ENOPH1: variants seen among roughly 807,000 people sequenced by gnomAD.
The protein encoded by ENOPH1 is enolase-phosphatase 1, also known as enolase-phosphatase E1.
In ENOPH1, 14 loss-of-function variants were observed where a neutral mutation model predicts 31.1. The observed-to-expected ratio is 0.45, with a 90% CI of 0.30 to 0.70. The LOEUF is 0.70. ENOPH1 is among the 30% of genes least tolerant of loss of function. The pLI, the probability that ENOPH1 is intolerant of heterozygous loss-of-function variation, is 0.09. For synonymous variants in ENOPH1, 127 were observed against 123.2 expected (o/e 1.03, Z -0.21); for missense variants, 243 against 321.5 (o/e 0.76, Z 1.87).
chr4:82,454,975 TA>T (rs1263020555), intron 4 of ENOPH1, 121 bp downstream of exon 4: 2 of 908,768 alleles, frequency 2.2e-6, no homozygotes, highest in East Asian at 5.2e-5. Flanking sequence ...TAAAATTAGG[TA>T]AGAAGAAAAT....
At chr4:82,459,163 T>C (rs1010277115) in intron 5 of ENOPH1, among the ~76,000 whole-genome samples, 2 of 152,220 alleles carry the variant, frequency 1.3e-5, no homozygotes, top group African/African-American at 4.8e-5. Flanking sequence ...ATCACAGGCC[T>C]GTATCCCATT....
intron 1 of ENOPH1, among the ~76,000 whole-genome samples, chr4:82,445,264 G>A (rs185720714): frequency 8.5e-5 from 13 of 152,150 alleles, no homozygotes; most frequent in African/African-American, 3.1e-4. Context: ...ATGTATGATA[G>A]TACATGCCAG....
At chr4:82,454,928 T>C (rs1722444128) in intron 4 of ENOPH1, 74 bp downstream of exon 4, 4 of 1,434,012 alleles carry the variant, frequency 2.8e-6, no homozygotes, top group Non-Finnish European at 3.8e-6. Context: ...GGAAAACTAA[T>C]TGGAACTAAT....
intron 1 of ENOPH1, among the ~76,000 whole-genome samples, chr4:82,440,857 C>T (rs933888264): frequency 6.6e-6 from 1 of 152,120 alleles, no homozygotes; most frequent in African/African-American, 2.4e-5. Context: ...ATGTTCATTC[C>T]TAAGCTTTCA....
intron 5 of ENOPH1, among the ~76,000 whole-genome samples, chr4:82,459,481 T>G (rs1443099387): frequency 6.6e-6 from 1 of 152,074 alleles, no homozygotes; most frequent in African/African-American, 2.4e-5. Context: ...TTTGTAGAGA[T>G]AGAGTTTCAC....
chr4:82,443,847 C>G (rs1380483384), intron 1 of ENOPH1, among the ~76,000 whole-genome samples: 1 of 151,678 alleles, frequency 6.6e-6, no homozygotes, highest in African/African-American at 2.4e-5. Context: ...CCTTGGAGGG[C>G]TTTTGTTTTA....
At chr4:82,448,174 C>G (rs577376327) in intron 2 of ENOPH1, among the ~76,000 whole-genome samples, 153 bp downstream of exon 2, 1 of 151,970 alleles carries the variant, frequency 6.6e-6, no homozygotes, top group South Asian at 2.1e-4. Context: ...CTTAGGAATT[C>G]ACAGTACATA....
intron 1 of ENOPH1, among the ~76,000 whole-genome samples, chr4:82,438,917 A>C (rs1438097573): frequency 6.6e-6 from 1 of 152,214 alleles, no homozygotes; most frequent in Non-Finnish European, 1.5e-5. Context: ...TTTATATGAA[A>C]CTTTGAATTT....
intron 1 of ENOPH1, among the ~76,000 whole-genome samples, chr4:82,443,555 C>CAT (rs1560464749): frequency 6.6e-6 from 1 of 150,602 alleles, no homozygotes; most frequent in Non-Finnish European, 1.5e-5. Flanking sequence ...GGTGAAACCC[C>CAT]GTCTCTACTA....
rs547843048 is a variant in ENOPH1 at position 82,459,194 on chromosome 4, T to C, written c.647-787T>C. Among the ~76,000 whole-genome samples the C allele has an allele frequency of 5.2e-4, 79 of 152,328 alleles. No individual in the cohort carries two copies. In the South Asian group the frequency reaches 0.011, roughly 22 times the overall value. ...CCATTTCCCACTCTAACTTGCTCCA[T>C]TCTAGGCTGGGAGTATGACATGTTT... On this transcript the variant is annotated intron_variant, in intron 5 of 5. Transcript: ENST00000273920.
intron 4 of ENOPH1, among the ~76,000 whole-genome samples, chr4:82,455,306 C>T (rs1560468509): frequency 6.6e-6 from 1 of 152,204 alleles, no homozygotes; most frequent in African/African-American, 2.4e-5. Context: ...TCTGTGTCAT[C>T]ATCCCTGCAC....
chr4:82,457,715 G>A (rs1722527775), intron 5 of ENOPH1, among the ~76,000 whole-genome samples: 1 of 152,190 alleles, frequency 6.6e-6, no homozygotes, highest in Non-Finnish European at 1.5e-5. Flanking sequence ...AGTATAAGGG[G>A]TAGGTAGTTG....
chr4:82,448,271 T>G (rs183098043), intron 2 of ENOPH1, among the ~76,000 whole-genome samples: 3,149 of 105,850 alleles, frequency 0.03, 103 homozygotes, highest in African/African-American at 0.079. Context: ...GTTTTTTTTG[T>G]TTTTTTTTGA....
chr4:82,443,497 G>C (rs776588484), intron 1 of ENOPH1, among the ~76,000 whole-genome samples: 16 of 151,744 alleles, frequency 1.1e-4, no homozygotes, highest in South Asian at 2.1e-4. Context: ...GGGAGGCCGA[G>C]GCTGGCAGAT....
intron 1 of ENOPH1, among the ~76,000 whole-genome samples, chr4:82,436,532 A>G (rs937889043): frequency 6.6e-6 from 1 of 152,040 alleles, no homozygotes; most frequent in African/African-American, 2.4e-5. Flanking sequence ...CTAAAAATAA[A>G]AAAAGTTAGC....
In ENOPH1 at chr4:82,461,097, A is replaced by T. The variant is rs1168288906; in HGVS notation, c.*977A>T. 1 of 152,196 alleles carries T rather than the reference A, an allele frequency of 6.6e-6. No individual in the cohort carries two copies. The highest frequency in any genetic ancestry group is 1.5e-5 in the Non-Finnish European group (1 of 68,014). The allele number at this position is 152,196 out of a possible 1,614,324, so 9.4% of individuals were successfully genotyped here. A position where few individuals can be genotyped will look rare whatever the true frequency, so the allele number is the denominator to read the frequency against. ...AAGCATTTTTTCTTCACTCAGTTTT[A>T]TATAGGTTCCTGAACTCTATCCACA... On this transcript the variant is annotated 3_prime_UTR_variant, in exon 6 of 6. Coordinates refer to ENST00000273920, the MANE Select transcript of ENOPH1 (RefSeq NM_021204.5).
intron 1 of ENOPH1, among the ~76,000 whole-genome samples, chr4:82,443,061 C>T (rs1363123799): frequency 6.6e-6 from 1 of 152,158 alleles, no homozygotes; most frequent in Non-Finnish European, 1.5e-5. Flanking sequence ...TGGCCTTGGC[C>T]TCCCACAGTG....
At chr4:82,450,461 T>C (rs1306514289) in intron 2 of ENOPH1, among the ~76,000 whole-genome samples, 1 of 152,222 alleles carries the variant, frequency 6.6e-6, no homozygotes, top group East Asian at 1.9e-4. Context: ...TGTTGAAACA[T>C]ACATACATAG....
Position 82,454,783 on chromosome 4 carries a change from A to G in ENOPH1, c.451A>G (p.Ile151Val). ...GAGAGAGGCCGGAATGAAGGTGTAC[A>G]TCTATTCCTCAGGGAGTGTGGAGGC... is the stretch of plus-strand genomic sequence containing the variant. The part of the protein sequence containing the change: ...KWREAGMKVY[I>V]YSSGSVEAQK... Residue 151 changes from isoleucine to valine, a missense_variant, in exon 4 of 6, where the codon ATC becomes GTC. Transcript: ENST00000273920. The G allele has an allele frequency of 6.2e-7, 1 of 1,613,852 alleles. No homozygotes were observed. The highest frequency in any genetic ancestry group is 8.5e-7 in the Non-Finnish European group (1 of 1,179,826).
Sources: allele counts gnomAD v4.1 joint callset (sites outside exome capture counted in the v4.1 genomes callset), GRCh38; gene constraint gnomAD v4.1.1; transcripts MANE v1.5; gene names NCBI Gene and HGNC (gene_info 2026-07-23, HGNC 2026-07-21).